STARD3: variants seen among roughly 807,000 people sequenced by gnomAD.
STARD3 encodes the protein stAR-related lipid transfer protein 3.
Under a neutral mutation model 62.0 loss-of-function variants are expected in STARD3, and 39 were observed. The observed-to-expected ratio is 0.63, with a 90% CI of 0.49 to 0.82. The LOEUF is 0.82. STARD3 is among the 40% of genes least tolerant of loss of function. STARD3 has a pLI of 0.00. For synonymous variants in STARD3, 229 were observed against 242.4 expected, an observed-to-expected ratio of 0.94 and a Z score of 0.51; for missense variants, 543 against 584.5, an observed-to-expected ratio of 0.93 and a Z score of 0.73.
intron 7 of STARD3, 98 bp downstream of exon 7, chr17:39,658,918 C>T: frequency 6.4e-7 from 1 of 1,564,168 alleles, no homozygotes; most frequent in Non-Finnish European, 8.8e-7. Flanking sequence ...ATCAGGCTCC[C>T]TGGGGAAAGC....
At chr17:39,649,865 CAAAAA>C (rs10713558) in intron 1 of STARD3, among the ~76,000 whole-genome samples, 2 of 84,980 alleles carry the variant, frequency 2.4e-5, no homozygotes, top group East Asian at 3.6e-4. Flanking sequence ...GACTCCGTCT[CAAAAA>C]AAAAAAAAAA....
intron 3 of STARD3, among the ~76,000 whole-genome samples, chr17:39,657,526 C>CAA (rs779901849): frequency 4.8e-4 from 46 of 96,746 alleles, no homozygotes; most frequent in African/African-American, 1.6e-3. Flanking sequence ...GACTCTGTCT[C>CAA]AAAAAAAAAA....
chr17:39,655,300 C>G (rs1186196318), intron 2 of STARD3, among the ~76,000 whole-genome samples: 5 of 152,182 alleles, frequency 3.3e-5, no homozygotes, highest in Admixed American at 3.3e-4. Flanking sequence ...TTCCTCCCAC[C>G]TCAGCCTCCC....
chr17:39,655,567 A>G (rs1279441003), intron 2 of STARD3, among the ~76,000 whole-genome samples: 1 of 152,188 alleles, frequency 6.6e-6, no homozygotes, highest in Admixed American at 6.5e-5. Flanking sequence ...AATTCTTGCA[A>G]AGTGAGAAGA....
Position 39,658,835 on chromosome 17 carries a change from G to A in STARD3, c.646+15G>A, listed in dbSNP as rs779310272. 1 of 1,612,910 alleles carries A rather than the reference G, an allele frequency of 6.2e-7. No individual in the cohort carries two copies. The highest frequency in any genetic ancestry group is 1.3e-5 in the African/African-American group (1 of 74,896). The stretch of plus-strand genomic sequence containing the variant: ...ATCCTTTGCAGGTGAGGGCTGGTGT[G>A]TGGGGGAACTGCTTTCAGGGAGGGG... On this transcript the variant is annotated intron_variant, in intron 7 of 14. Transcript: ENST00000336308.
rs1032085639 is a variant in STARD3 at position 39,662,683 on chromosome 17, A to G, written c.1234-121A>G. On this transcript the variant is annotated intron_variant, in intron 14 of 14. Coordinates refer to ENST00000336308, the MANE Select transcript of STARD3 (RefSeq NM_006804.4). Reference sequence around the variant, plus strand: ...AGGGGTGAGTGGGAGAGGGCGACCCAGGCTGGATTCCAGAGCTGCACCTGC... The same window carrying G: ...AGGGGTGAGTGGGAGAGGGCGACCCGGGCTGGATTCCAGAGCTGCACCTGC... The G allele has an allele frequency of 7.2e-6, 7 of 973,598 alleles. No homozygotes were observed. The African/African-American group carries it at 1.1e-4, about 16-fold the overall frequency. 60.3% of individuals were successfully genotyped at this position (973,598 alleles called of 1,614,324 possible). A position where few individuals can be genotyped will look rare whatever the true frequency, so the allele number is the denominator to read the frequency against.
chr17:39,650,914 G>A (rs1313370219), intron 1 of STARD3, among the ~76,000 whole-genome samples: 1 of 152,250 alleles, frequency 6.6e-6, no homozygotes, highest in Non-Finnish European at 1.5e-5. Flanking sequence ...AGACAGGTCT[G>A]GCTGCAAACA....
intron 1 of STARD3, among the ~76,000 whole-genome samples, chr17:39,646,877 A>C (rs2057031115): frequency 6.7e-6 from 1 of 149,084 alleles, no homozygotes; most frequent in South Asian, 2.2e-4. Flanking sequence ...CCCCCTCCCC[A>C]CCCGCTTCCC....
chr17:39,649,592 C>T (rs1156475949), intron 1 of STARD3, among the ~76,000 whole-genome samples: 1 of 152,146 alleles, frequency 6.6e-6, no homozygotes, highest in East Asian at 1.9e-4. Context: ...TAAGGCTGAG[C>T]GTGGTAGCTC....
intron 3 of STARD3, among the ~76,000 whole-genome samples, 197 bp from the exon 4 acceptor site, chr17:39,657,578 G>A (rs2057143426): frequency 6.6e-6 from 1 of 152,068 alleles, no homozygotes; most frequent in Admixed American, 6.5e-5. Context: ...AGAGCCCCAG[G>A]TGGGAGAGGG....
intron 1 of STARD3, among the ~76,000 whole-genome samples, chr17:39,652,110 G>A (rs1018628478): frequency 3.9e-5 from 6 of 152,166 alleles, no homozygotes; most frequent in African/African-American, 1.2e-4. Flanking sequence ...AAGAGGAACC[G>A]TCCCTGCCCT....
chr17:39,658,564 C>T, intron 6 of STARD3, 42 bp downstream of exon 6: 1 of 1,593,786 alleles, frequency 6.3e-7, no homozygotes, highest in Non-Finnish European at 8.6e-7. Flanking sequence ...GGGTTACCCA[C>T]AGCCCCAAGA....
chr17:39,658,939 C>T (rs1248913972), intron 7 of STARD3, 112 bp from the exon 8 acceptor site: 5 of 1,554,168 alleles, frequency 3.2e-6, no homozygotes, highest in East Asian at 4.5e-5. Context: ...CAGCAACCCT[C>T]TCCCACACAC....
chr17:39,647,592 G>A (rs1043029338), intron 1 of STARD3, among the ~76,000 whole-genome samples: 5 of 152,184 alleles, frequency 3.3e-5, no homozygotes, highest in African/African-American at 4.8e-5. Context: ...GCAGTTCCAC[G>A]CCACGGTGGG....
At chr17:39,653,150 C>T in intron 1 of STARD3, 1 of 285,780 alleles carries the variant, frequency 3.5e-6, no homozygotes, top group South Asian at 4.6e-5. Flanking sequence ...GAGCTCAGGG[C>T]TAGGCCTGGT....
chr17:39,662,415 C>A, intron 14 of STARD3, 71 bp downstream of exon 14: 1 of 1,470,462 alleles, frequency 6.8e-7, no homozygotes. Flanking sequence ...TTGGTTGCTG[C>A]ATGACTTTGG....
rs759110798 is a variant in STARD3, at chr17:39,657,762, C to G, written c.298-13C>G. On this transcript the variant is annotated splice_polypyrimidine_tract_variant and intron_variant, in intron 3 of 14. Coordinates refer to ENST00000336308, the MANE Select transcript of STARD3 (RefSeq NM_006804.4). Reference sequence around the variant, plus strand: ...TAGCTTCCTGTGACTGCCTTGCTCCCGTCCCCCACCAGGTCCTGGCCTTCT... The same window carrying G: ...TAGCTTCCTGTGACTGCCTTGCTCCGGTCCCCCACCAGGTCCTGGCCTTCT... 2 of 1,614,010 alleles carry G rather than the reference C, an allele frequency of 1.2e-6. No homozygotes were observed. The highest frequency in any genetic ancestry group is 2.2e-5 in the South Asian group (2 of 91,070).
chr17:39,642,818 A>G (rs758686397), intron 1 of STARD3, among the ~76,000 whole-genome samples: 19 of 152,140 alleles, frequency 1.2e-4, no homozygotes, highest in South Asian at 1.2e-3. Context: ...CAAGTCATGC[A>G]AAGACCTGGG....
At chr17:39,637,989 T>C (rs755517544) in intron 1 of STARD3, among the ~76,000 whole-genome samples, 8 of 152,216 alleles carry the variant, frequency 5.3e-5, no homozygotes, top group African/African-American at 9.6e-5. Flanking sequence ...CCAGCGGCCA[T>C]TGGGACAGCT....
Sources: allele counts gnomAD v4.1 joint callset (sites outside exome capture counted in the v4.1 genomes callset), GRCh38; gene constraint gnomAD v4.1.1; transcripts MANE v1.5; gene names NCBI Gene and HGNC (gene_info 2026-07-23, HGNC 2026-07-21).